Variants in ASB6 observed in about 807,000 individuals in gnomAD.
ASB6 encodes the protein ankyrin repeat and SOCS box containing 6.
In ASB6, 24 loss-of-function variants were observed where a neutral mutation model predicts 28.6. The observed-to-expected ratio is 0.84, with a 90% CI of 0.61 to 1.18. The LOEUF (loss-of-function observed/expected upper bound fraction) is 1.18, where lower values mean the gene tolerates loss of function less well. ASB6 is among the 50% of genes most tolerant of loss of function. ASB6 has a pLI of 0.00. For synonymous variants in ASB6, 267 were observed against 243.4 expected, an observed-to-expected ratio of 1.10 and a Z score of -0.90; for missense variants, 519 against 559.8, an observed-to-expected ratio of 0.93 and a Z score of 0.74.
chr9:129,640,894 CTCTTAA>C, intron 1 of ASB6, 172 bp from the exon 2 acceptor site: 1 of 752,192 alleles, frequency 1.3e-6, no homozygotes, highest in East Asian at 2.8e-5. Context: ...CACGCTGCAT[CTCTTAA>C]TACGGGAGCA....
chr9:129,635,793 C>A lies in ASB6; in HGVS notation c.*1997G>T, dbSNP rs2270402. 7.1e-3 allele frequency: 1,804 copies of A among 252,492 alleles called. 66 individuals are homozygous for A. In the East Asian group the frequency reaches 0.1, roughly 14 times the overall value. The allele number at this position is 252,492 out of a possible 1,614,324, so 15.6% of individuals were successfully genotyped here. ...TAACCGATTCCCTGGGCCTCCAGCC[C>A]GGCCTTCCAGCCATGGGCCTGGCTG... On this transcript the variant is annotated 3_prime_UTR_variant, in exon 6 of 6. Coordinates refer to ENST00000277458, the MANE Select transcript of ASB6 (RefSeq NM_017873.4).
chr9:129,640,102 C>A (rs1831659106), intron 2 of ASB6, among the ~76,000 whole-genome samples: 1 of 152,170 alleles, frequency 6.6e-6, no homozygotes, highest in Admixed American at 6.5e-5. Flanking sequence ...GAGCCAGGAG[C>A]CAGGGTGTCC....
rs1256744221 is a variant in ASB6, at chr9:129,636,251, C to A, written c.*1539G>T. 1 of 151,160 alleles carries A rather than the reference C, an allele frequency of 6.6e-6. No homozygotes were observed. Among genetic ancestry groups the A allele is most frequent in the Non-Finnish European group, 1.5e-5 (1 of 67,936 alleles). The allele number at this position is 151,160 out of a possible 1,614,324, so 9.4% of individuals were successfully genotyped here. A position where few individuals can be genotyped will look rare whatever the true frequency, so the allele number is the denominator to read the frequency against. ...ACAAAAAAAAAAAAAATTAGCCAGG[C>A]GTGATGGCGGGCGCCTGTAGTCCCA... On this transcript the variant is annotated 3_prime_UTR_variant, in exon 6 of 6. Coordinates refer to ENST00000277458, the MANE Select transcript of ASB6 (RefSeq NM_017873.4).
In ASB6 at chr9:129,637,560, G is replaced by T. The variant is rs2119006718; in HGVS notation, c.*230C>A. ...CCTGTTCCTCTTTCCAACATGGGGGGGACTTGGAGTGCCGCTGGAGGGAAG... is the reference window on the plus strand; with the variant it reads ...CCTGTTCCTCTTTCCAACATGGGGGTGACTTGGAGTGCCGCTGGAGGGAAG... On this transcript the variant is annotated 3_prime_UTR_variant, in exon 6 of 6. Transcript: ENST00000277458. 3 of 400,778 alleles carry T rather than the reference G, an allele frequency of 7.5e-6. No individual in the cohort carries two copies. The East Asian group carries it at 1.1e-4, about 15-fold the overall frequency. The allele number at this position is 400,778 out of a possible 1,614,324, so 24.8% of individuals were successfully genotyped here.
chr9:129,641,588 C>G (rs1368987964), intron 1 of ASB6, among the ~76,000 whole-genome samples: 1 of 152,274 alleles, frequency 6.6e-6, no homozygotes, highest in Non-Finnish European at 1.5e-5. Context: ...CCCTGCTCCT[C>G]TGCCACGCCG....
Position 129,640,545 on chromosome 9 carries a change from A to G in ASB6, c.291T>C (p.Phe97=), listed in dbSNP as rs771472416. The G allele has an allele frequency of 4.4e-6, 7 of 1,605,862 alleles. No homozygotes were observed. Among genetic ancestry groups the G allele is most frequent in the South Asian group, 3.3e-5 (3 of 90,504 alleles). The change falls in exon 2 of 6, where the codon TTT becomes TTC. Residue 97 remains phenylalanine, a synonymous_variant. Transcript: ENST00000277458. ...ACCCCCGGGGCTCTCGCTGACCTTCAAAGTTGAGATTGGCCCCATGCCGCA... is the reference window on the plus strand; with the variant it reads ...ACCCCCGGGGCTCTCGCTGACCTTCGAAGTTGAGATTGGCCCCATGCCGCA... ...VLLRHGANLN[F]EDPVTYYTAL...
At position 129,635,080 on chromosome 9, in the gene ASB6, T is replaced by C. The variant is rs886129297; in HGVS notation, c.*2710A>G. 5.6e-6 allele frequency: 6 copies of C among 1,078,580 alleles called. No individual in the cohort carries two copies. In the African/African-American group the frequency reaches 9.4e-5, roughly 17 times the overall value. The allele number at this position is 1,078,580 out of a possible 1,614,324, so 66.8% of individuals were successfully genotyped here. On this transcript the variant is annotated 3_prime_UTR_variant, in exon 6 of 6. Transcript: ENST00000277458. ...TAAATCTCTCGGGACTGAGAGCCAA[T>C]GAGGCCATGTGTGCACACAAAATGC...
Position 129,637,923 on chromosome 9 carries a change from AG to A in ASB6, c.1132del (p.Leu378CysfsTer17), listed in dbSNP as rs762815742. 2 of 1,590,932 alleles carry A rather than the reference AG, an allele frequency of 1.3e-6. No homozygotes were observed. Among genetic ancestry groups the A allele is most frequent in the South Asian group, 2.3e-5 (2 of 87,048 alleles). The stretch of plus-strand genomic sequence containing the variant: ...GTAGAGCCGGATGGCCACACGGCAC[AG>A]GTGCTTGAGGGGCGGGGGATAGCTC... ...LESYPPPLKH[L>X]CRVAIRLYLQ... On this transcript the variant is annotated frameshift_variant, in exon 6 of 6. Coordinates refer to ENST00000277458, the MANE Select transcript of ASB6 (RefSeq NM_017873.4). LOFTEE classifies it high-confidence loss of function.
At chr9:129,639,729 T>C (rs1170534002) in intron 2 of ASB6, among the ~76,000 whole-genome samples, 1 of 152,210 alleles carries the variant, frequency 6.6e-6, no homozygotes, top group Non-Finnish European at 1.5e-5. Flanking sequence ...GGGGCTTTAG[T>C]TTCCTCTTCT....
chr9:129,637,607 C>A lies in ASB6; in HGVS notation c.*183G>T. Reference sequence around the variant, plus strand: ...GAAGGGGGCAGTCTCTCTGGAAGAACCAGAGCTGCACCCTTCACCACTGGA... The same window carrying A: ...GAAGGGGGCAGTCTCTCTGGAAGAAACAGAGCTGCACCCTTCACCACTGGA... On this transcript the variant is annotated 3_prime_UTR_variant, in exon 6 of 6. Transcript: ENST00000277458. The A allele has an allele frequency of 2.0e-6, 1 of 494,792 alleles. No individual in the cohort carries two copies. The highest frequency in any genetic ancestry group is 3.3e-6 in the Non-Finnish European group (1 of 303,640). The allele number at this position is 494,792 out of a possible 1,614,324, so 30.7% of individuals were successfully genotyped here.
At position 129,638,163 on chromosome 9, in the gene ASB6, G is replaced by C. The variant is rs778665007; in HGVS notation, c.893C>G (p.Ser298Cys). ...CCTCTCAAAGATGATGTGAAAGCCA[G>C]ACCAGCAGGACGCACCGTGCAGGGA... ...NCSLHGASCW[S>C]GFHIIFERLC... The change falls in exon 6 of 6, where the codon TCT becomes TGT. Residue 298 changes from serine (S) to cysteine (C), a missense_variant. Physicochemically the swap from Ser to Cys is moderately radical, Grantham distance 112. Coordinates refer to ENST00000277458, the MANE Select transcript of ASB6 (RefSeq NM_017873.4). 6.2e-6 allele frequency: 10 copies of C among 1,613,800 alleles called. No homozygotes were observed. The highest frequency in any genetic ancestry group is 1.7e-5 in the Admixed American group (1 of 59,996).
chr9:129,639,595 A>G, intron 2 of ASB6, 87 bp from the exon 3 acceptor site: 1 of 1,193,400 alleles, frequency 8.4e-7, no homozygotes, highest in Admixed American at 2.1e-5. Context: ...CCAAACTCCC[A>G]CCTAAAGTGT....
At position 129,638,314 on chromosome 9, in the gene ASB6, C is replaced by T; in HGVS notation, c.742G>A (p.Ala248Thr). The T allele has an allele frequency of 6.2e-7, 1 of 1,612,752 alleles. No individual in the cohort carries two copies. Among genetic ancestry groups the T allele is most frequent in the Non-Finnish European group, 8.5e-7 (1 of 1,180,030 alleles). ...CACTCGCTGGGGTCGGCCCCGTGTG[C>T]CAGCAGCAGCCGTGTGACTTGGAAG... ...FCFQVTRLLL[A>T]HGADPSECPA... Residue 248 changes from alanine (A) to threonine (T), a missense_variant, in exon 6 of 6, where the codon GCA becomes ACA. Physicochemically the swap from Ala to Thr is moderately conservative, Grantham distance 58. Transcript: ENST00000277458.
In ASB6 at chr9:129,636,887, C is replaced by T. The variant is rs945116069; in HGVS notation, c.*903G>A. On this transcript the variant is annotated 3_prime_UTR_variant, in exon 6 of 6. Transcript: ENST00000277458. Reference sequence around the variant, plus strand: ...GCGGGGTGGAAATTTTATATAAGGACCTTGTTAAGGCCAAGAAAGTCAGTT... The same window carrying T: ...GCGGGGTGGAAATTTTATATAAGGATCTTGTTAAGGCCAAGAAAGTCAGTT... The T allele has an allele frequency of 1.3e-5, 2 of 152,120 alleles. No individual in the cohort carries two copies. The highest frequency in any genetic ancestry group is 4.8e-5 in the African/African-American group (2 of 41,394). The allele number at this position is 152,120 out of a possible 1,614,324, so 9.4% of individuals were successfully genotyped here.
intron 2 of ASB6, among the ~76,000 whole-genome samples, chr9:129,639,949 TGGGGAAA>T (rs1831653369): frequency 6.6e-6 from 1 of 152,130 alleles, no homozygotes; most frequent in Non-Finnish European, 1.5e-5. Flanking sequence ...CGTCTTCGGA[TGGGGAAA>T]GGAGACGTGC....
intron 1 of ASB6, 97 bp downstream of exon 1, chr9:129,641,789 CA>C: frequency 7.9e-7 from 1 of 1,266,362 alleles, no homozygotes; most frequent in Admixed American, 3.1e-5. Flanking sequence ...CTTCCTCTGT[CA>C]AGGGGGACGC....
Position 129,640,677 on chromosome 9 carries a change from A to G in ASB6, c.159T>C (p.Thr53=). Residue 53 remains threonine (T), a synonymous_variant, in exon 2 of 6, where the codon ACT becomes ACC. Transcript: ENST00000277458. ...AGTGGGCTTTCCTCTCCAGCAGCTC[A>G]GTGAGAACAAGGATTCGGCTCTCCT... ...ASEESRILVL[T]ELLERKAHSP... The G allele has an allele frequency of 6.2e-7, 1 of 1,614,146 alleles. No individual in the cohort carries two copies. The highest frequency in any genetic ancestry group is 8.5e-7 in the Non-Finnish European group (1 of 1,179,998).
At chr9:129,639,155 G>A (rs1831631377) in intron 4 of ASB6, 47 bp downstream of exon 4, 1 of 1,538,852 alleles carries the variant, frequency 6.5e-7, no homozygotes. Context: ...TCCCCCACAA[G>A]GTGCCTGGGG....
chr9:129,636,740 G>A lies in ASB6; in HGVS notation c.*1050C>T, dbSNP rs984271339. The A allele has an allele frequency of 1.3e-5, 2 of 151,508 alleles. No individual in the cohort carries two copies. The highest frequency in any genetic ancestry group is 2.9e-5 in the Non-Finnish European group (2 of 67,930). 9.4% of individuals were successfully genotyped at this position (151,508 alleles called of 1,614,324 possible). ...CTCCACACTGTGGAGGCCCTTGCCA[G>A]TCTAGAGTGGTGCTTCTTTGCAGGG... On this transcript the variant is annotated 3_prime_UTR_variant, in exon 6 of 6. Transcript: ENST00000277458.
Sources: allele counts gnomAD v4.1 joint callset (sites outside exome capture counted in the v4.1 genomes callset), GRCh38; gene constraint gnomAD v4.1.1; transcripts MANE v1.5; gene names NCBI Gene and HGNC (gene_info 2026-07-23, HGNC 2026-07-21).